HOOK3: variants seen among roughly 807,000 people sequenced by gnomAD.
HOOK3 encodes protein Hook homolog 3.
In HOOK3, 24 loss-of-function variants were observed where a neutral mutation model predicts 116.3. That is an observed-to-expected ratio of 0.21 (90% confidence interval 0.15 to 0.29). The LOEUF is 0.29. HOOK3 is among the 10% of genes least tolerant of loss of function. The pLI is 1.00. For missense variants in HOOK3, 632 were observed against 830.2 expected (o/e 0.76, Z 2.93); for synonymous variants, 275 against 283.0 (o/e 0.97, Z 0.28).
intron 17 of HOOK3, among the ~76,000 whole-genome samples, chr8:43,005,841 C>G (rs925177156): frequency 6.8e-6 from 1 of 146,694 alleles, no homozygotes; most frequent in Non-Finnish European, 1.5e-5. Context: ...GATTACAGGC[C>G]CCCCCCCACC....
intron 4 of HOOK3, among the ~76,000 whole-genome samples, chr8:42,939,092 A>T (rs570410072): frequency 7.2e-5 from 11 of 152,342 alleles, no homozygotes; most frequent in Admixed American, 2.0e-4. Flanking sequence ...ACAGAACAAA[A>T]TGAAAAGTCT....
chr8:42,947,496 T>C (rs1398815319), intron 5 of HOOK3, among the ~76,000 whole-genome samples: 1 of 152,216 alleles, frequency 6.6e-6, no homozygotes, highest in East Asian at 1.9e-4. Context: ...ATAATATTTA[T>C]TGAAGTTCTC....
At chr8:42,916,674 C>T (rs899637760) in intron 2 of HOOK3, among the ~76,000 whole-genome samples, 1 of 152,214 alleles carries the variant, frequency 6.6e-6, no homozygotes, top group Non-Finnish European at 1.5e-5. Context: ...GTATAATCCA[C>T]ACCTGTAGCT....
At chr8:42,968,514 A>G (rs1808672520) in intron 11 of HOOK3, among the ~76,000 whole-genome samples, 1 of 152,114 alleles carries the variant, frequency 6.6e-6, no homozygotes, top group East Asian at 1.9e-4. Context: ...TATTTTGGTA[A>G]AGACAGGGTT....
intron 10 of HOOK3, 64 bp from the exon 11 acceptor site, chr8:42,967,949 C>T (rs1335122646): frequency 7.7e-6 from 7 of 911,832 alleles, no homozygotes; most frequent in East Asian, 4.8e-5. Flanking sequence ...TCCTTCTTAA[C>T]ACTGAAACAA....
At chr8:42,917,187 A>T (rs1452853082) in intron 2 of HOOK3, among the ~76,000 whole-genome samples, 1 of 152,258 alleles carries the variant, frequency 6.6e-6, no homozygotes, top group Admixed American at 6.5e-5. Flanking sequence ...GAAAAGAAGC[A>T]TATGGCAGAA....
intron 21 of HOOK3, among the ~76,000 whole-genome samples, chr8:43,016,206 C>G (rs576137145): frequency 6.6e-6 from 1 of 151,152 alleles, no homozygotes; most frequent in East Asian, 2.0e-4. Flanking sequence ...TAAGCTCCGA[C>G]TCCTGGGTTC....
chr8:42,943,382 G>A lies in HOOK3; in HGVS notation c.337G>A (p.Ala113Thr), dbSNP rs764101508. The change falls in exon 5 of 22, where the codon GCA becomes ACA. Residue 113 changes from alanine to threonine, a missense_variant. This residue lies in a region of HOOK3 where 141 missense variants were observed against 150.8 expected (regional missense o/e 0.93). Transcript: ENST00000307602. ...CCTTATTGGGGAGCATTCTGATGCA[G>A]CAGAGCTTGGAAGGATGCTTCAGCT... is the stretch of plus-strand genomic sequence containing the variant. ...VNLIGEHSDA[A>T]ELGRMLQLIL... 4 of 1,569,270 alleles carry A rather than the reference G, an allele frequency of 2.5e-6. No individual in the cohort carries two copies. The South Asian group carries it at 3.7e-5, about 15-fold the overall frequency.
intron 8 of HOOK3, among the ~76,000 whole-genome samples, chr8:42,960,369 A>G (rs1808514037): frequency 6.6e-6 from 1 of 152,220 alleles, no homozygotes; most frequent in Non-Finnish European, 1.5e-5. Flanking sequence ...TGCAAAATGA[A>G]TGATAGTGTT....
At position 43,028,224 on chromosome 8, in the gene HOOK3, C is replaced by T. The variant is rs1809968500; in HGVS notation, c.*9726C>T. On this transcript the variant is annotated 3_prime_UTR_variant, in exon 22 of 22. Transcript: ENST00000307602. ...TTGATATTAGCTGGGCATGGTAGCT[C>T]ATGCCTGTAGTCCCAGCTACTCCAG... The T allele has an allele frequency of 5.4e-6, 1 of 183,806 alleles. No individual in the cohort carries two copies. The highest frequency in any genetic ancestry group is 1.2e-5 in the Non-Finnish European group (1 of 86,760). 11.4% of individuals were successfully genotyped at this position (183,806 alleles called of 1,614,324 possible). A position where few individuals can be genotyped will look rare whatever the true frequency, so the allele number is the denominator to read the frequency against.
chr8:42,957,128 A>G lies in HOOK3; in HGVS notation c.503A>G (p.Asn168Ser), dbSNP rs764869615. ...MSKESPVSAGNDAYVDLDRQL... is the reference protein window; with the variant it reads ...MSKESPVSAGSDAYVDLDRQL... ...AAAGAATCTCCTGTCTCTGCTGGAA[A>G]TGATGCCTATGTTGACCTTGATCGT... Residue 168 changes from asparagine (N) to serine (S), a missense_variant, in exon 7 of 22, where the codon AAT becomes AGT. Physicochemically the swap from Asn to Ser is conservative, Grantham distance 46. Transcript: ENST00000307602. 5 of 1,597,754 alleles carry G rather than the reference A, an allele frequency of 3.1e-6. No homozygotes were observed. Among genetic ancestry groups the G allele is most frequent in the South Asian group, 2.3e-5 (2 of 88,052 alleles).
intron 6 of HOOK3, among the ~76,000 whole-genome samples, chr8:42,953,434 C>T (rs891360625): frequency 2.6e-5 from 4 of 151,576 alleles, no homozygotes; most frequent in African/African-American, 9.7e-5. Flanking sequence ...CGTGGTGGCA[C>T]GTACCTGTAA....
chr8:42,919,790 A>C (rs918755020), intron 2 of HOOK3, among the ~76,000 whole-genome samples: 29 of 152,140 alleles, frequency 1.9e-4, no homozygotes, highest in African/African-American at 6.8e-4. Flanking sequence ...AAAAATATGA[A>C]AACCAGTCAG....
At position 43,021,311 on chromosome 8, in the gene HOOK3, T is replaced by G. The variant is rs893975338; in HGVS notation, c.*2813T>G. ...AGAGGGGAGTTTTACTTCTGACTTT[T>G]TTTTCCCCCCGAGACGGAGCCTCGT... On this transcript the variant is annotated 3_prime_UTR_variant, in exon 22 of 22. Coordinates refer to ENST00000307602, the MANE Select transcript of HOOK3 (RefSeq NM_032410.4). 1 of 192,056 alleles carries G rather than the reference T, an allele frequency of 5.2e-6. No homozygotes were observed. Among genetic ancestry groups the G allele is most frequent in the African/African-American group, 2.3e-5 (1 of 42,926 alleles). The allele number at this position is 192,056 out of a possible 1,614,324, so 11.9% of individuals were successfully genotyped here. A position where few individuals can be genotyped will look rare whatever the true frequency, so the allele number is the denominator to read the frequency against.
intron 3 of HOOK3, among the ~76,000 whole-genome samples, chr8:42,928,279 GAAA>G (rs111464606): frequency 7.4e-6 from 1 of 135,868 alleles, no homozygotes; most frequent in South Asian, 2.4e-4. Flanking sequence ...CTCTGTCTCA[GAAA>G]AAAAAAAAGA....
chr8:42,969,293 T>C (rs1275268585), intron 11 of HOOK3, among the ~76,000 whole-genome samples: 1 of 152,230 alleles, frequency 6.6e-6, no homozygotes, highest in African/African-American at 2.4e-5. Flanking sequence ...TTTATATTCC[T>C]GTTGCTTCAC....
At chr8:42,925,510 T>C in intron 2 of HOOK3, 47 bp from the exon 3 acceptor site, 6 of 1,276,038 alleles carry the variant, frequency 4.7e-6, no homozygotes, top group Non-Finnish European at 6.7e-6. Flanking sequence ...TTTGTTTAGC[T>C]TGATAGCTAC....
chr8:42,904,183 T>C (rs1438756400), intron 1 of HOOK3, among the ~76,000 whole-genome samples: 1 of 152,218 alleles, frequency 6.6e-6, no homozygotes, highest in Non-Finnish European at 1.5e-5. Flanking sequence ...CTGAGTGTTA[T>C]TCCCAGTATT....
intron 5 of HOOK3, among the ~76,000 whole-genome samples, chr8:42,946,511 A>G (rs148733491): frequency 1.3e-5 from 2 of 151,634 alleles, no homozygotes; most frequent in Admixed American, 1.3e-4. Flanking sequence ...TATGTTGAAG[A>G]CGATGAATTT....
Sources: gnomAD v4.1 joint callset for allele counts (sites outside exome capture counted in the v4.1 genomes callset) on GRCh38, gnomAD v4.1.1 for gene constraint, gnomAD v4.1.1 regional missense constraint, MANE v1.5 for transcripts, NCBI Gene and HGNC (gene_info 2026-07-23, HGNC 2026-07-21) for gene names.